The following ARHGAP18 variants were observed in gnomAD, a reference collection of about 807,000 sequenced individuals.
ARHGAP18 encodes the protein Rho GTPase activating protein 18.
Under a neutral mutation model 86.2 loss-of-function variants are expected in ARHGAP18, and 67 were observed. That is an observed-to-expected ratio of 0.78 (90% CI 0.64 to 0.95). The LOEUF is 0.95. Ranked by LOEUF, ARHGAP18 falls within the 40% of genes least tolerant of loss-of-function variation. The pLI is 0.00. For synonymous variants in ARHGAP18, 283 were observed against 280.4 expected (o/e 1.01, Z -0.09); for missense variants, 691 against 780.4 (o/e 0.89, Z 1.37).
chr6:129,678,227 T>A (rs2114534717), intron 1 of ARHGAP18, among the ~76,000 whole-genome samples: 1 of 152,314 alleles, frequency 6.6e-6, no homozygotes. Flanking sequence ...CGATCAATAT[T>A]TACACAAAAC....
chr6:129,581,644 T>G (rs937457200), intron 13 of ARHGAP18, among the ~76,000 whole-genome samples: 15 of 152,202 alleles, frequency 9.9e-5, no homozygotes, highest in African/African-American at 3.6e-4. Context: ...ATCAACAAAT[T>G]CATCGTTAAA....
intron 8 of ARHGAP18, 120 bp downstream of exon 8, chr6:129,611,413 T>C (rs1162617581): frequency 1.0e-5 from 8 of 786,940 alleles, no homozygotes; most frequent in Non-Finnish European, 1.6e-5. Context: ...GGTTTTATTG[T>C]TTTATTTTAT....
intron 1 of ARHGAP18, among the ~76,000 whole-genome samples, chr6:129,697,755 C>T (rs1227208002): frequency 6.6e-6 from 1 of 152,046 alleles, no homozygotes; most frequent in Non-Finnish European, 1.5e-5. Flanking sequence ...AATACATCCC[C>T]ATTTTCAATA....
At chr6:129,668,086 T>C (rs549738420) in intron 1 of ARHGAP18, among the ~76,000 whole-genome samples, 14 of 152,202 alleles carry the variant, frequency 9.2e-5, no homozygotes, top group South Asian at 2.1e-4. Context: ...ACCATAGATA[T>C]GTAAAGTTCC....
rs775243494 is a variant in ARHGAP18 at position 129,578,187 on chromosome 6, GGAAGA to G, written c.*321_*325del. The G allele has an allele frequency of 5.9e-5, 9 of 153,778 alleles. No individual in the cohort carries two copies. Among genetic ancestry groups the G allele is most frequent in the Non-Finnish European group, 8.6e-5 (6 of 69,404 alleles). The allele number at this position is 153,778 out of a possible 1,614,324, so 9.5% of individuals were successfully genotyped here. A position where few individuals can be genotyped will look rare whatever the true frequency, so the allele number is the denominator to read the frequency against. On this transcript the variant is annotated 3_prime_UTR_variant, in exon 15 of 15. Transcript: ENST00000368149. ...TATATGATTTTAGGAGAAAAGAATG[GGAAGA>G]GAAGACATTTCCACATATTAAAAAA...
intron 2 of ARHGAP18, among the ~76,000 whole-genome samples, chr6:129,639,305 G>T (rs1312371688): frequency 1.3e-5 from 2 of 152,148 alleles, no homozygotes; most frequent in African/African-American, 4.8e-5. Context: ...TATTGTGTAA[G>T]ATCTAATGAA....
intron 1 of ARHGAP18, among the ~76,000 whole-genome samples, chr6:129,665,423 G>C (rs1210450373): frequency 6.6e-6 from 1 of 152,116 alleles, no homozygotes; most frequent in Non-Finnish European, 1.5e-5. Flanking sequence ...GGTGGTGCAT[G>C]CCTGTAGTCA....
rs1562673589 is a variant in ARHGAP18 at position 129,578,500 on chromosome 6, C to A, written c.*13G>T. On this transcript the variant is annotated 3_prime_UTR_variant, in exon 15 of 15. Coordinates refer to ENST00000368149, the MANE Select transcript of ARHGAP18 (RefSeq NM_033515.3). The stretch of plus-strand genomic sequence containing the variant: ...CAGAAGTCCACATGGTTATCTGCAG[C>A]TTGTTAAGTCTTCTACAATGGCTTT... The A allele has an allele frequency of 3.1e-6, 5 of 1,603,356 alleles. No homozygotes were observed. Among genetic ancestry groups the A allele is most frequent in the Non-Finnish European group, 4.3e-6 (5 of 1,172,444 alleles).
intron 1 of ARHGAP18, among the ~76,000 whole-genome samples, chr6:129,650,272 C>A (rs184255193): frequency 6.6e-6 from 1 of 152,118 alleles, no homozygotes; most frequent in East Asian, 1.9e-4. Flanking sequence ...TAGTAACCAC[C>A]ACCAGGTCTT....
chr6:129,672,498 AG>A (rs1263782560), intron 1 of ARHGAP18, among the ~76,000 whole-genome samples: 1 of 152,162 alleles, frequency 6.6e-6, no homozygotes, highest in Non-Finnish European at 1.5e-5. Flanking sequence ...CTTTTTCCTT[AG>A]TCCTTACTAC....
At chr6:129,705,142 A>C (rs1410842620) in intron 1 of ARHGAP18, among the ~76,000 whole-genome samples, 1 of 152,104 alleles carries the variant, frequency 6.6e-6, no homozygotes, top group Admixed American at 6.5e-5. Context: ...ATTTCCCCCC[A>C]TTACAACCCC....
intron 5 of ARHGAP18, among the ~76,000 whole-genome samples, chr6:129,624,760 G>A (rs1275636045): frequency 1.3e-5 from 2 of 150,954 alleles, no homozygotes; most frequent in Non-Finnish European, 2.9e-5. Flanking sequence ...GCCTGGCCAA[G>A]ATGGTGAAAC....
rs866182980 is a variant in ARHGAP18, at chr6:129,625,045, T to A, written c.786+4308A>T. ...TGATATATGATATATATTTATATAA[T>A]ATATATGATTGATATATATTTATAT... On this transcript the variant is annotated intron_variant, in intron 5 of 14. Coordinates refer to ENST00000368149, the MANE Select transcript of ARHGAP18 (RefSeq NM_033515.3). 4.9e-4 allele frequency among the ~76,000 whole-genome samples: 39 copies of A among 79,432 alleles called. 1 individual carries two copies. Among genetic ancestry groups the A allele is most frequent in the Middle Eastern group, 0.015 (2 of 136 alleles). 52.1% of individuals were successfully genotyped at this position (79,432 alleles called of 152,430 possible).
At chr6:129,579,908 A>G (rs965182842) in intron 14 of ARHGAP18, among the ~76,000 whole-genome samples, 162 bp downstream of exon 14, 14 of 152,244 alleles carry the variant, frequency 9.2e-5, no homozygotes, top group African/African-American at 3.4e-4. Context: ...GAGCCTGAAG[A>G]GAAAGGTCAA....
At chr6:129,608,092 A>G in intron 8 of ARHGAP18, 40 bp from the exon 9 acceptor site, 1 of 1,520,338 alleles carries the variant, frequency 6.6e-7, no homozygotes, top group Non-Finnish European at 8.8e-7. Context: ...AAAAAGAAGC[A>G]GCTAGAAGTG....
chr6:129,691,338 G>T (rs986995861), intron 1 of ARHGAP18, among the ~76,000 whole-genome samples: 9 of 152,180 alleles, frequency 5.9e-5, no homozygotes, highest in Non-Finnish European at 1.3e-4. Context: ...AGTACTCGGG[G>T]GTGGGAAAAT....
intron 5 of ARHGAP18, among the ~76,000 whole-genome samples, chr6:129,623,490 G>A (rs1429268119): frequency 6.6e-6 from 1 of 152,150 alleles, no homozygotes; most frequent in Non-Finnish European, 1.5e-5. Flanking sequence ...AGATCATAAA[G>A]AATTGACAAA....
At chr6:129,635,386 G>C (rs563182983) in intron 3 of ARHGAP18, among the ~76,000 whole-genome samples, 1 of 152,282 alleles carries the variant, frequency 6.6e-6, no homozygotes, top group South Asian at 2.1e-4. Context: ...AAGTGTTACA[G>C]TGACTACCAA....
At chr6:129,582,195 T>C (rs924471391) in intron 13 of ARHGAP18, among the ~76,000 whole-genome samples, 2 of 151,994 alleles carry the variant, frequency 1.3e-5, no homozygotes, top group Non-Finnish European at 2.9e-5. Flanking sequence ...GCTTATTTAA[T>C]ACAAACACCA....
Sources: gnomAD v4.1 joint callset for allele counts (sites outside exome capture counted in the v4.1 genomes callset) on GRCh38, gnomAD v4.1.1 for gene constraint, MANE v1.5 for transcripts, NCBI Gene and HGNC (gene_info 2026-07-23, HGNC 2026-07-21) for gene names.